Variants in PPP2R3A observed in about 807,000 individuals in gnomAD.
PPP2R3A encodes the protein protein phosphatase 2 regulatory subunit B''alpha.
In PPP2R3A, 80 loss-of-function variants were observed where a neutral mutation model predicts 106.9. That is an observed-to-expected ratio of 0.75 (90% CI 0.62 to 0.90). The LOEUF is 0.90. Ranked by LOEUF, PPP2R3A falls within the 40% of genes least tolerant of loss-of-function variation. The probability of loss-of-function intolerance (pLI) is 0.00; values close to 1 mark genes in which losing one functional copy is unlikely to be tolerated. For missense variants in PPP2R3A, 1,386 were observed against 1,350.4 expected, an observed-to-expected ratio of 1.03 and a Z score of -0.41; for synonymous variants, 483 against 468.3, an observed-to-expected ratio of 1.03 and a Z score of -0.41.
At chr3:136,085,478 C>T (rs1936903668) in intron 8 of PPP2R3A, among the ~76,000 whole-genome samples, 2 of 152,056 alleles carry the variant, frequency 1.3e-5, no homozygotes, top group Admixed American at 6.6e-5. Flanking sequence ...TGGGGTTTCG[C>T]CTTGTTGCCC....
intron 13 of PPP2R3A, among the ~76,000 whole-genome samples, chr3:136,124,772 AAG>A (rs1296723045): frequency 6.6e-6 from 1 of 152,124 alleles, no homozygotes; most frequent in African/African-American, 2.4e-5. Context: ...CCAACAAAAA[AAG>A]AGAAAAGGTA....
chr3:136,094,370 T>C (rs577918228), intron 10 of PPP2R3A, among the ~76,000 whole-genome samples: 3 of 152,226 alleles, frequency 2.0e-5, no homozygotes, highest in African/African-American at 2.4e-5. Flanking sequence ...TTATATGATA[T>C]GTGAAATATA....
At chr3:135,987,516 A>G (rs1932970320) in intron 1 of PPP2R3A, among the ~76,000 whole-genome samples, 1 of 152,104 alleles carries the variant, frequency 6.6e-6, no homozygotes. Flanking sequence ...CTCTGGAGGG[A>G]GACACTACCA....
At chr3:135,981,893 GA>G (rs1937543701) in intron 1 of PPP2R3A, among the ~76,000 whole-genome samples, 1 of 151,706 alleles carries the variant, frequency 6.6e-6, no homozygotes. Flanking sequence ...GGCCATGGGA[GA>G]GGAGTTTAGA....
At chr3:136,107,891 T>G (rs1219312374) in intron 13 of PPP2R3A, among the ~76,000 whole-genome samples, 1 of 152,122 alleles carries the variant, frequency 6.6e-6, no homozygotes, top group East Asian at 1.9e-4. Flanking sequence ...ATACCAATCT[T>G]AAGAAGCAAC....
intron 13 of PPP2R3A, among the ~76,000 whole-genome samples, chr3:136,132,907 G>T (rs1253192980): frequency 6.6e-6 from 1 of 152,070 alleles, no homozygotes. Flanking sequence ...TATACACAGA[G>T]ATCAGTGTAA....
chr3:135,969,254 A>G (rs1937173415), intron 1 of PPP2R3A, among the ~76,000 whole-genome samples: 4 of 152,236 alleles, frequency 2.6e-5, no homozygotes, highest in Middle Eastern at 6.8e-3. Context: ...TGTGGATAAC[A>G]TAGGAGAGAA....
At chr3:136,111,555 G>T (rs981393203) in intron 13 of PPP2R3A, among the ~76,000 whole-genome samples, 1 of 152,016 alleles carries the variant, frequency 6.6e-6, no homozygotes, top group Middle Eastern at 3.4e-3. Flanking sequence ...AGAAGAAATT[G>T]ATAAATTCCT....
intron 7 of PPP2R3A, 21 bp from the exon 8 acceptor site, chr3:136,082,241 ATTC>A (rs759869701): frequency 2.0e-5 from 31 of 1,548,626 alleles, no homozygotes; most frequent in Admixed American, 8.7e-5. Context: ...TAATGTTTAA[ATTC>A]TTCTTTTCAT....
At chr3:136,128,999 T>C (rs1938295072) in intron 13 of PPP2R3A, among the ~76,000 whole-genome samples, 2 of 152,104 alleles carry the variant, frequency 1.3e-5, no homozygotes, top group African/African-American at 4.8e-5. Context: ...TACCAGAATC[T>C]CTGGGACACA....
intron 5 of PPP2R3A, among the ~76,000 whole-genome samples, chr3:136,054,518 A>G (rs1935795045): frequency 6.6e-6 from 1 of 152,232 alleles, no homozygotes; most frequent in South Asian, 2.1e-4. Context: ...CGGCCTCCCA[A>G]AGTGCTGAGA....
At chr3:136,026,709 G>A in intron 2 of PPP2R3A, 123 bp from the exon 3 acceptor site, 1 of 819,926 alleles carries the variant, frequency 1.2e-6, no homozygotes, top group Non-Finnish European at 1.9e-6. Flanking sequence ...CCACCTTTAA[G>A]AGTACAGTGA....
Position 136,135,358 on chromosome 3 carries a change from A to G in PPP2R3A, c.3330-9685A>G, listed in dbSNP as rs75481518. ...AAGCACTAGAATGTGAACAAAGGAA[A>G]GGAAAGGAAAAAGCCCGTTTACAGG... On this transcript the variant is annotated intron_variant, in intron 13 of 13. Transcript: ENST00000264977. 7.8e-3 allele frequency among the ~76,000 whole-genome samples: 1,189 copies of G among 152,362 alleles called. 25 individuals are homozygous for G. Among genetic ancestry groups the G allele is most frequent in the African/African-American group, 0.026 (1,082 of 41,576 alleles).
rs1024385855 is a variant in PPP2R3A at position 136,145,379 on chromosome 3, C to T, written c.*213C>T. ...GCCTCAAACCTCTTACGGAGCTTCT[C>T]CTCAGAAGTGGTACCATCGCCTTCC... On this transcript the variant is annotated 3_prime_UTR_variant, in exon 14 of 14. Transcript: ENST00000264977. 3.3e-5 allele frequency: 14 copies of T among 428,802 alleles called. No homozygotes were observed. Among genetic ancestry groups the T allele is most frequent in the Admixed American group, 8.6e-5 (2 of 23,202 alleles). 26.6% of individuals were successfully genotyped at this position (428,802 alleles called of 1,614,324 possible).
At chr3:136,006,671 G>A (rs936503202) in intron 2 of PPP2R3A, among the ~76,000 whole-genome samples, 1 of 152,146 alleles carries the variant, frequency 6.6e-6, no homozygotes, top group Non-Finnish European at 1.5e-5. Flanking sequence ...TGATACAAAA[G>A]CACTGTTATC....
intron 13 of PPP2R3A, among the ~76,000 whole-genome samples, chr3:136,110,460 G>T (rs763956814): frequency 6.6e-6 from 1 of 151,974 alleles, no homozygotes; most frequent in African/African-American, 2.4e-5. Context: ...AAAAGTTTTT[G>T]ATTTGGGATA....
At position 136,136,066 on chromosome 3, in the gene PPP2R3A, AAAAAAAATTATATATATAT is replaced by A. The variant is rs1210130722; in HGVS notation, c.3330-8975_3330-8957del. ...GTCTCAAAAAAAAAAAAAAAAAAAA[AAAAAAAATTATATATATAT>A]ATATATATAAAAAACATCATGGTTA... is the stretch of plus-strand genomic sequence containing the variant. On this transcript the variant is annotated intron_variant, in intron 13 of 13. Transcript: ENST00000264977. Among the ~76,000 whole-genome samples the A allele has an allele frequency of 5.0e-4, 17 of 34,242 alleles. 1 individual carries two copies. Among genetic ancestry groups the A allele is most frequent in the East Asian group, 8.4e-3 (2 of 238 alleles). The allele number at this position is 34,242 out of a possible 152,430, so 22.5% of individuals were successfully genotyped here.
rs375590548 is a variant in PPP2R3A at position 136,002,010 on chromosome 3, C to A, written c.512C>A (p.Ala171Asp). The change falls in exon 2 of 14, where the codon GCC becomes GAC. Residue 171 changes from alanine to aspartate, a missense_variant. By Grantham distance (126) the Ala-to-Asp change is moderately radical. Coordinates refer to ENST00000264977, the MANE Select transcript of PPP2R3A (RefSeq NM_002718.5). ...LCGHYNNDGN[A>D]PSFGLLRSSS... is the part of the protein sequence containing the mutation. Reference sequence around the variant, plus strand: ...GGCCATTATAACAACGATGGGAACGCCCCATCCTTTGGTTTACTGCGGAGT... The same window carrying A: ...GGCCATTATAACAACGATGGGAACGACCCATCCTTTGGTTTACTGCGGAGT... 23 of 1,613,870 alleles carry A rather than the reference C, an allele frequency of 1.4e-5. No homozygotes were observed. The highest frequency in any genetic ancestry group is 1.9e-5 in the Non-Finnish European group (22 of 1,179,930).
chr3:136,111,905 G>A (rs1041121092), intron 13 of PPP2R3A, among the ~76,000 whole-genome samples: 3 of 152,086 alleles, frequency 2.0e-5, no homozygotes, highest in African/African-American at 7.2e-5. Flanking sequence ...CAAAATAGTA[G>A]CAAATTAAAT....
Sources: gnomAD v4.1 joint callset for allele counts (sites outside exome capture counted in the v4.1 genomes callset) on GRCh38, gnomAD v4.1.1 for gene constraint, MANE v1.5 for transcripts, NCBI Gene and HGNC (gene_info 2026-07-23, HGNC 2026-07-21) for gene names.